Variants in PHACTR3 observed in about 807,000 individuals in gnomAD.
PHACTR3 encodes phosphatase and actin regulator 3, also known as protein phosphatase 1, regulatory subunit 123.
Under a neutral mutation model 66.8 loss-of-function variants are expected in PHACTR3, and 16 were observed. The ratio of observed to expected loss-of-function variants is 0.24; its 90% CI spans 0.16 to 0.36. The LOEUF (loss-of-function observed/expected upper bound fraction) is 0.36, where lower values mean the gene tolerates loss of function less well. Among genes scored for constraint, PHACTR3 ranks in the 10% least tolerant of loss-of-function variants. PHACTR3 has a pLI of 1.00. For missense variants in PHACTR3, 647 were observed against 719.9 expected (o/e 0.90, Z 1.16); for synonymous variants, 323 against 292.1 (o/e 1.11, Z -1.08).
chr20:59,748,281 G>A (rs535207574), intron 3 of PHACTR3, among the ~76,000 whole-genome samples: 22 of 152,238 alleles, frequency 1.4e-4, no homozygotes, highest in African/African-American at 4.3e-4. Flanking sequence ...ATGCTGGGGC[G>A]GGGTGGGATA....
rs1052231070 is a variant in PHACTR3 at position 59,769,449 on chromosome 20, G to A, written c.751+2054G>A. Among the ~76,000 whole-genome samples the A allele has an allele frequency of 4.6e-5, 7 of 152,170 alleles. No individual in the cohort carries two copies. The East Asian group carries it at 5.8e-4, about 13-fold the overall frequency. ...ATCCACAGAACGCCAAGAATTTTCCGGGGGAGAGGCCTGGGACGGCATCTC... is the reference window on the plus strand; with the variant it reads ...ATCCACAGAACGCCAAGAATTTTCCAGGGGAGAGGCCTGGGACGGCATCTC... On this transcript the variant is annotated intron_variant, in intron 5 of 12. Coordinates refer to ENST00000371015, the MANE Select transcript of PHACTR3 (RefSeq NM_080672.5).
At chr20:59,624,818 A>G (rs914219241) in intron 1 of PHACTR3, among the ~76,000 whole-genome samples, 1 of 152,252 alleles carries the variant, frequency 6.6e-6, no homozygotes, top group African/African-American at 2.4e-5. Flanking sequence ...CAAAGACTTT[A>G]TGTAAACCTG....
intron 1 of PHACTR3, among the ~76,000 whole-genome samples, chr20:59,732,704 T>C (rs921544224): frequency 1.3e-5 from 2 of 152,124 alleles, no homozygotes; most frequent in Non-Finnish European, 2.9e-5. Context: ...GTGGGACAGC[T>C]CCAGGCCATT....
chr20:59,610,374 G>A (rs1023952785), intron 1 of PHACTR3, among the ~76,000 whole-genome samples: 5 of 152,186 alleles, frequency 3.3e-5, no homozygotes, highest in African/African-American at 7.2e-5. Flanking sequence ...TGTCAGCATT[G>A]GAACAACAGA....
At chr20:59,612,541 T>C (rs939758757) in intron 1 of PHACTR3, among the ~76,000 whole-genome samples, 1 of 152,098 alleles carries the variant, frequency 6.6e-6, no homozygotes, top group Non-Finnish European at 1.5e-5. Flanking sequence ...CGCGCCACCA[T>C]GCCCAACTAA....
Position 59,604,713 on chromosome 20 carries a change from T to A in PHACTR3, c.-302T>A. The A allele has an allele frequency of 9.5e-7, 1 of 1,051,802 alleles. No homozygotes were observed. Among genetic ancestry groups the A allele is most frequent in the Non-Finnish European group, 1.1e-6 (1 of 874,720 alleles). The allele number at this position is 1,051,802 out of a possible 1,614,324, so 65.2% of individuals were successfully genotyped here. A position where few individuals can be genotyped will look rare whatever the true frequency, so the allele number is the denominator to read the frequency against. ...TTTTTATTTCCTGGTTCAACTTTTT[T>A]TTTTTTCCCTGGAATATAGACTGAA... On this transcript the variant is annotated 5_prime_UTR_variant, in exon 1 of 13. Transcript: ENST00000371015.
chr20:59,590,108 C>T (rs2033144633), intron 1 of PHACTR3, among the ~76,000 whole-genome samples: 1 of 152,106 alleles, frequency 6.6e-6, no homozygotes, highest in African/African-American at 2.4e-5. Context: ...CTCACGTGTG[C>T]ATGTGTGTGC....
chr20:59,767,618 T>C (rs78335673), intron 5 of PHACTR3, among the ~76,000 whole-genome samples: 3,400 of 152,222 alleles, frequency 0.022, 57 homozygotes, highest in Non-Finnish European at 0.035. Context: ...GAGTAGATCT[T>C]ACCAAGGAAA....
intron 1 of PHACTR3, among the ~76,000 whole-genome samples, chr20:59,701,148 C>T (rs992953119): frequency 8.5e-5 from 13 of 152,132 alleles, no homozygotes; most frequent in African/African-American, 3.1e-4. Context: ...ATCCGACCCA[C>T]ATAATAAAAA....
chr20:59,825,225 T>C (rs2042152487), intron 8 of PHACTR3, among the ~76,000 whole-genome samples: 1 of 152,232 alleles, frequency 6.6e-6, no homozygotes, highest in South Asian at 2.1e-4. Context: ...TGGTGGCAGC[T>C]GTGCAAGCGT....
intron 1 of PHACTR3, among the ~76,000 whole-genome samples, chr20:59,622,578 C>T (rs1278514710): frequency 6.6e-6 from 1 of 152,160 alleles, no homozygotes; most frequent in African/African-American, 2.4e-5. Context: ...GAGGAGGCTG[C>T]CGTGTGCCTG....
At chr20:59,749,192 AG>A (rs1398106582) in intron 3 of PHACTR3, among the ~76,000 whole-genome samples, 3 of 152,222 alleles carry the variant, frequency 2.0e-5, no homozygotes, top group African/African-American at 7.2e-5. Flanking sequence ...GGGACAAAAA[AG>A]TGTCAAACTC....
At chr20:59,687,027 G>A (rs370168426) in intron 1 of PHACTR3, among the ~76,000 whole-genome samples, 1,964 of 151,564 alleles carry the variant, frequency 0.013, 25 homozygotes, top group African/African-American at 0.043. Flanking sequence ...TGGTGATGAT[G>A]ATGGTGGTGA....
At chr20:59,764,767 ACAAT>A (rs1195045595) in intron 4 of PHACTR3, among the ~76,000 whole-genome samples, 3 of 152,180 alleles carry the variant, frequency 2.0e-5, no homozygotes, top group African/African-American at 7.2e-5. Flanking sequence ...GTAAACCCAA[ACAAT>A]CAAAGCAGGG....
chr20:59,787,266 C>T (rs2040946086), intron 7 of PHACTR3, among the ~76,000 whole-genome samples: 1 of 152,194 alleles, frequency 6.6e-6, no homozygotes, highest in Non-Finnish European at 1.5e-5. Flanking sequence ...AGAGGATGCC[C>T]CATCCAGGCC....
intron 1 of PHACTR3, among the ~76,000 whole-genome samples, chr20:59,590,213 G>T (rs939643696): frequency 1.8e-4 from 28 of 152,218 alleles, no homozygotes; most frequent in African/African-American, 6.0e-4. Context: ...AGACTACAAA[G>T]ATCTTTTGCA....
At chr20:59,587,055 G>A (rs929419161) in intron 1 of PHACTR3, among the ~76,000 whole-genome samples, 2 of 152,182 alleles carry the variant, frequency 1.3e-5, no homozygotes, top group Non-Finnish European at 2.9e-5. Flanking sequence ...CCCCAACTCT[G>A]GCTGTCCTTG....
intron 5 of PHACTR3, among the ~76,000 whole-genome samples, chr20:59,772,792 G>A (rs1348273236): frequency 6.6e-6 from 1 of 152,178 alleles, no homozygotes; most frequent in African/African-American, 2.4e-5. Context: ...ACAGGGAGAG[G>A]GTTGGAGCCC....
At chr20:59,763,475 T>G (rs117201967) in intron 4 of PHACTR3, among the ~76,000 whole-genome samples, 2 of 152,130 alleles carry the variant, frequency 1.3e-5, no homozygotes, top group Non-Finnish European at 2.9e-5. Flanking sequence ...ATTTGCAAGA[T>G]GGGTTGATGG....
Sources: allele counts gnomAD v4.1 joint callset (sites outside exome capture counted in the v4.1 genomes callset), GRCh38; gene constraint gnomAD v4.1.1; transcripts MANE v1.5; gene names NCBI Gene and HGNC (gene_info 2026-07-23, HGNC 2026-07-21).